Variants in RAPGEF5 observed in about 807,000 individuals in gnomAD.
The protein encoded by RAPGEF5 is M-Ras-regulated GEF.
RAPGEF5 carries 65 observed loss-of-function variants against 125.2 expected under a neutral mutation model. That is an observed-to-expected ratio of 0.52 (90% CI 0.43 to 0.64). The LOEUF is 0.64. RAPGEF5 is among the 30% of genes least tolerant of loss of function. RAPGEF5 has a pLI of 0.00. For synonymous variants in RAPGEF5, 391 were observed against 385.9 expected (o/e 1.01, Z -0.16); for missense variants, 958 against 1,048.1 (o/e 0.91, Z 1.19).
chr7:22,275,609 A>G (rs1018516811), intron 6 of RAPGEF5, among the ~76,000 whole-genome samples: 8 of 152,208 alleles, frequency 5.3e-5, no homozygotes, highest in Admixed American at 2.0e-4. Flanking sequence ...GGGAAGGTAT[A>G]TATCAGAAGT....
At chr7:22,215,781 C>G (rs1158107429) in intron 9 of RAPGEF5, among the ~76,000 whole-genome samples, 1 of 152,196 alleles carries the variant, frequency 6.6e-6, no homozygotes, top group East Asian at 1.9e-4. Context: ...CAGAGATTCT[C>G]TCTGTTTAAG....
At chr7:22,157,974 G>A in intron 14 of RAPGEF5, 89 bp from the exon 15 acceptor site, 1 of 1,250,680 alleles carries the variant, frequency 8.0e-7, no homozygotes, top group Non-Finnish European at 1.2e-6. Flanking sequence ...TCCAGCACTA[G>A]GCAGAGGATT....
At chr7:22,298,108 A>G (rs1245346622) in intron 5 of RAPGEF5, among the ~76,000 whole-genome samples, 4 of 151,576 alleles carry the variant, frequency 2.6e-5, no homozygotes, top group East Asian at 1.9e-4. Flanking sequence ...CCCCTTTTTC[A>G]TAACGTATTT....
chr7:22,261,862 A>G (rs1782164449), intron 7 of RAPGEF5, among the ~76,000 whole-genome samples: 1 of 152,142 alleles, frequency 6.6e-6, no homozygotes, highest in Non-Finnish European at 1.5e-5. Flanking sequence ...CAAAAAAAAA[A>G]AGAGAAACTT....
At chr7:22,159,945 C>A (rs10271658) in intron 14 of RAPGEF5, among the ~76,000 whole-genome samples, 148,537 of 152,110 alleles carry the variant, frequency 0.98, 72,533 homozygotes, top group East Asian at 0.99. Context: ...CCCATCTCTA[C>A]CAAAAATACA....
intron 7 of RAPGEF5, among the ~76,000 whole-genome samples, chr7:22,238,669 C>T (rs929968084): frequency 6.6e-6 from 1 of 152,178 alleles, no homozygotes; most frequent in African/African-American, 2.4e-5. Context: ...AAGCAGAATC[C>T]ATTTACATTT....
chr7:22,193,412 G>A lies in RAPGEF5; in HGVS notation c.1159C>T (p.Leu387Phe), dbSNP rs760946858. ...SGTPEKILEHLLNDLHLEEVQ... is the reference protein window; with the variant it reads ...SGTPEKILEHFLNDLHLEEVQ... Reference sequence around the variant, plus strand: ...TCTTCCAGGTGCAAGTCATTCAAAAGGTGCTCCAAAATCTTCTCCGGGGTC... The same window carrying A: ...TCTTCCAGGTGCAAGTCATTCAAAAAGTGCTCCAAAATCTTCTCCGGGGTC... The change falls in exon 11 of 26, where the codon CTT becomes TTT. Residue 387 changes from leucine (L) to phenylalanine (F), a missense_variant. Transcript: ENST00000665637. 3.1e-5 allele frequency: 50 copies of A among 1,597,184 alleles called. No homozygotes were observed. Among genetic ancestry groups the A allele is most frequent in the Non-Finnish European group, 4.1e-5 (48 of 1,171,538 alleles).
At chr7:22,255,148 T>A (rs979918410) in intron 7 of RAPGEF5, among the ~76,000 whole-genome samples, 2 of 152,122 alleles carry the variant, frequency 1.3e-5, no homozygotes, top group African/African-American at 4.8e-5. Context: ...GAATACAGGA[T>A]TATAAGGTCA....
At chr7:22,328,569 G>T (rs371563479) in intron 1 of RAPGEF5, among the ~76,000 whole-genome samples, 6 of 152,164 alleles carry the variant, frequency 3.9e-5, no homozygotes, top group Non-Finnish European at 8.8e-5. Flanking sequence ...GACACTAAAC[G>T]TATACTATAC....
intron 1 of RAPGEF5, among the ~76,000 whole-genome samples, chr7:22,335,295 G>A (rs1403863319): frequency 6.6e-6 from 1 of 152,180 alleles, no homozygotes; most frequent in African/African-American, 2.4e-5. Context: ...ACTCTACTCT[G>A]ACAAACAGCT....
At chr7:22,274,839 A>G (rs1211385031) in intron 6 of RAPGEF5, among the ~76,000 whole-genome samples, 1 of 152,172 alleles carries the variant, frequency 6.6e-6, no homozygotes, top group Non-Finnish European at 1.5e-5. Context: ...ATCCTAAAAT[A>G]TAAATTTTAT....
rs551286692 is a variant in RAPGEF5 at position 22,262,286 on chromosome 7, T to C, written c.796+4678A>G. Among the ~76,000 whole-genome samples, 4 of 151,596 alleles carry C rather than the reference T, an allele frequency of 2.6e-5. No homozygotes were observed. In the South Asian group the frequency reaches 8.3e-4, roughly 32 times the overall value. The stretch of plus-strand genomic sequence containing the variant: ...AACAAACAATTCACCAAAAACAACA[T>C]CCAGATGGCAAATAAGCACTTGAGA... On this transcript the variant is annotated intron_variant, in intron 7 of 25. Transcript: ENST00000665637.
intron 25 of RAPGEF5, among the ~76,000 whole-genome samples, chr7:22,124,992 C>A (rs1782692378): frequency 6.6e-6 from 1 of 152,158 alleles, no homozygotes; most frequent in Non-Finnish European, 1.5e-5. Flanking sequence ...TTCCTTCCTG[C>A]AATGTTCTAA....
At chr7:22,161,894 T>C (rs1307450714) in intron 13 of RAPGEF5, among the ~76,000 whole-genome samples, 2 of 152,182 alleles carry the variant, frequency 1.3e-5, no homozygotes, top group East Asian at 3.9e-4. Flanking sequence ...CAGATAATCA[T>C]CTGTGTTGAA....
At chr7:22,163,419 A>G (rs1784069069) in intron 12 of RAPGEF5, among the ~76,000 whole-genome samples, 1 of 152,198 alleles carries the variant, frequency 6.6e-6, no homozygotes, top group African/African-American at 2.4e-5. Flanking sequence ...GTAGAAAAGC[A>G]AGTAAGAAAA....
intron 6 of RAPGEF5, among the ~76,000 whole-genome samples, chr7:22,279,211 C>T (rs1009665101): frequency 8.5e-5 from 13 of 152,130 alleles, no homozygotes; most frequent in African/African-American, 3.1e-4. Flanking sequence ...CAGAACCCCA[C>T]GTGTGTTTGT....
At chr7:22,256,267 T>C in intron 7 of RAPGEF5, among the ~76,000 whole-genome samples, 1 of 152,182 alleles carries the variant, frequency 6.6e-6, no homozygotes, top group East Asian at 1.9e-4. Flanking sequence ...ACAGAGTCCT[T>C]GAGGCAAAAA....
chr7:22,131,618 C>T (rs1179528495), intron 23 of RAPGEF5, among the ~76,000 whole-genome samples: 1 of 151,918 alleles, frequency 6.6e-6, no homozygotes, highest in Non-Finnish European at 1.5e-5. Context: ...GATTGTGTAC[C>T]AGGAATAAGT....
intron 7 of RAPGEF5, among the ~76,000 whole-genome samples, chr7:22,258,756 C>T (rs1323080905): frequency 6.6e-6 from 1 of 151,228 alleles, no homozygotes; most frequent in Non-Finnish European, 1.5e-5. Context: ...AGGGAAAAGA[C>T]TGTCTTTTCA....
Sources: gnomAD v4.1 joint callset for allele counts (sites outside exome capture counted in the v4.1 genomes callset) on GRCh38, gnomAD v4.1.1 for gene constraint, MANE v1.5 for transcripts, NCBI Gene and HGNC (gene_info 2026-07-23, HGNC 2026-07-21) for gene names.